LUZP2: variants seen among roughly 807,000 people sequenced by gnomAD.
The protein encoded by LUZP2 is leucine zipper protein 2.
LUZP2 carries 52 observed loss-of-function variants against 51.6 expected under a neutral mutation model. The observed-to-expected ratio is 1.01, with a 90% CI of 0.81 to 1.27. LUZP2 has a LOEUF of 1.27. Ranked by LOEUF, LUZP2 falls within the 50% of genes most tolerant of loss-of-function variation. The pLI is 0.00. For missense variants in LUZP2, 436 were observed against 395.4 expected (o/e 1.10, Z -0.87); for synonymous variants, 154 against 137.3 (o/e 1.12, Z -0.85).
At chr11:24,871,392 A>G (rs1005082863) in intron 5 of LUZP2, among the ~76,000 whole-genome samples, 77 of 152,184 alleles carry the variant, frequency 5.1e-4, no homozygotes, top group African/African-American at 1.9e-3. Context: ...ATAATTTTGT[A>G]ATCTCTCCTA....
intron 9 of LUZP2, among the ~76,000 whole-genome samples, chr11:25,032,202 G>A (rs151178710): frequency 6.6e-6 from 1 of 152,112 alleles, no homozygotes; most frequent in Non-Finnish European, 1.5e-5. Context: ...CTTGATTTTA[G>A]CCCATTGAGA....
intron 9 of LUZP2, among the ~76,000 whole-genome samples, chr11:25,027,864 C>T (rs928583477): frequency 2.7e-5 from 2 of 72,884 alleles, no homozygotes; most frequent in African/African-American, 3.7e-5. Context: ...AACGAAATTC[C>T]GTCTCAAAAA....
At chr11:24,793,523 A>G (rs1014408429) in intron 5 of LUZP2, among the ~76,000 whole-genome samples, 2 of 152,160 alleles carry the variant, frequency 1.3e-5, no homozygotes, top group Non-Finnish European at 2.9e-5. Flanking sequence ...AAGTCTGACT[A>G]AATCTTGCAA....
At chr11:24,529,873 A>G (rs956009255) in intron 1 of LUZP2, among the ~76,000 whole-genome samples, 2 of 150,976 alleles carry the variant, frequency 1.3e-5, no homozygotes, top group Non-Finnish European at 3.0e-5. Flanking sequence ...ACAATATTTG[A>G]TCTAATAGGT....
At chr11:24,924,328 T>C (rs951723663) in intron 7 of LUZP2, among the ~76,000 whole-genome samples, 3 of 152,042 alleles carry the variant, frequency 2.0e-5, no homozygotes, top group African/African-American at 4.8e-5. Flanking sequence ...TCTGCCCGCC[T>C]CTGCCTCCCA....
intron 5 of LUZP2, among the ~76,000 whole-genome samples, chr11:24,831,546 T>C (rs746743778): frequency 1.3e-5 from 2 of 152,166 alleles, no homozygotes; most frequent in Non-Finnish European, 2.9e-5. Context: ...TGAAATATAT[T>C]ATGAATGATC....
chr11:24,748,700 G>GC (rs891453731), intron 4 of LUZP2, among the ~76,000 whole-genome samples: 2 of 152,038 alleles, frequency 1.3e-5, no homozygotes, highest in Non-Finnish European at 2.9e-5. Context: ...CTCATGATCT[G>GC]CCCCCCTTGG....
chr11:24,654,785 A>G (rs1032577333), intron 1 of LUZP2, among the ~76,000 whole-genome samples: 3 of 151,226 alleles, frequency 2.0e-5, no homozygotes, highest in African/African-American at 7.3e-5. Flanking sequence ...TCGGCCTCCA[A>G]AAGTGCTGGG....
chr11:24,547,281 A>T (rs183145083), intron 1 of LUZP2, among the ~76,000 whole-genome samples: 94 of 152,178 alleles, frequency 6.2e-4, no homozygotes, highest in African/African-American at 2.2e-3. Context: ...AACAAAAAGA[A>T]CAAGCTGGAG....
At chr11:24,977,398 A>T (rs935881781) in intron 8 of LUZP2, among the ~76,000 whole-genome samples, 2 of 151,738 alleles carry the variant, frequency 1.3e-5, no homozygotes, top group Non-Finnish European at 3.0e-5. Flanking sequence ...GTAAAAAGAT[A>T]ATGTGTATGT....
chr11:24,693,110 T>C (rs915296616), intron 1 of LUZP2, among the ~76,000 whole-genome samples: 2 of 151,948 alleles, frequency 1.3e-5, no homozygotes, highest in African/African-American at 4.8e-5. Flanking sequence ...GGCTTTCTCT[T>C]ATTTAGTATA....
At chr11:24,926,345 G>GTATATATATACGTGTGTA (rs1381274118) in intron 7 of LUZP2, among the ~76,000 whole-genome samples, 14,752 of 41,288 alleles carry the variant, frequency 0.36, 5,284 homozygotes, top group Non-Finnish European at 0.45. Context: ...ATATACGTGT[G>GTATATATATACGTGTGTA]TATATATATA....
At chr11:24,704,258 C>CT (rs928241321) in intron 1 of LUZP2, among the ~76,000 whole-genome samples, 9 of 152,132 alleles carry the variant, frequency 5.9e-5, no homozygotes, top group Admixed American at 2.6e-4. Flanking sequence ...CAGAGTTAAA[C>CT]TTATATTTAT....
chr11:25,073,852 G>T (rs1350968983), intron 10 of LUZP2, among the ~76,000 whole-genome samples: 1 of 152,106 alleles, frequency 6.6e-6, no homozygotes, highest in Non-Finnish European at 1.5e-5. Flanking sequence ...AGAAAAAAAG[G>T]AACGATCACT....
chr11:24,962,250 A>G (rs1855432669), intron 7 of LUZP2, among the ~76,000 whole-genome samples: 1 of 152,082 alleles, frequency 6.6e-6, no homozygotes, highest in Non-Finnish European at 1.5e-5. Context: ...CGCGAGGAGT[A>G]GAAGAGCAAC....
chr11:24,790,166 C>A (rs1044060487), intron 5 of LUZP2, among the ~76,000 whole-genome samples: 5 of 152,140 alleles, frequency 3.3e-5, no homozygotes, highest in African/African-American at 1.2e-4. Context: ...AGCACTCTAG[C>A]CTACATTGCA....
At chr11:24,798,856 G>A (rs1849616791) in intron 5 of LUZP2, among the ~76,000 whole-genome samples, 1 of 152,026 alleles carries the variant, frequency 6.6e-6, no homozygotes, top group African/African-American at 2.4e-5. Flanking sequence ...TGTGTACAGT[G>A]GACAGTAGTG....
chr11:24,668,480 A>G (rs888553336), intron 1 of LUZP2, among the ~76,000 whole-genome samples: 1 of 152,206 alleles, frequency 6.6e-6, no homozygotes, highest in Admixed American at 6.5e-5. Context: ...TATATTCAGA[A>G]ACTAGCAACC....
chr11:24,920,827 ATTAT>A (rs1312965003), intron 7 of LUZP2, among the ~76,000 whole-genome samples: 2 of 152,110 alleles, frequency 1.3e-5, no homozygotes, highest in Non-Finnish European at 2.9e-5. Flanking sequence ...AAGATGAGAA[ATTAT>A]TTAATGTGTA....
Sources: allele counts gnomAD v4.1 joint callset (sites outside exome capture counted in the v4.1 genomes callset), GRCh38; gene constraint gnomAD v4.1.1; transcripts MANE v1.5; gene names NCBI Gene and HGNC (gene_info 2026-07-23, HGNC 2026-07-21).